The following MCTP2 variants were observed in gnomAD, a reference collection of about 807,000 sequenced individuals.
The protein encoded by MCTP2 is multiple C2 and transmembrane domain containing 2, also known as multiple C2 and transmembrane domain-containing protein 2.
In MCTP2, 132 loss-of-function variants were observed where a neutral mutation model predicts 111.6. The ratio of observed to expected loss-of-function variants is 1.18; its 90% confidence interval spans 1.03 to 1.37. The LOEUF (loss-of-function observed/expected upper bound fraction) is 1.37, where lower values mean the gene tolerates loss of function less well. Ranked by LOEUF, MCTP2 falls within the 40% of genes most tolerant of loss-of-function variation. The pLI is 0.00. For missense variants in MCTP2, 1,183 were observed against 1,067.9 expected (o/e 1.11, Z -1.50); for synonymous variants, 395 against 387.7 (o/e 1.02, Z -0.22).
intron 19 of MCTP2, among the ~76,000 whole-genome samples, chr15:94,447,673 G>A (rs570316484): frequency 3.9e-5 from 6 of 152,150 alleles, no homozygotes; most frequent in Non-Finnish European, 5.9e-5. Context: ...CACCATGACC[G>A]GCCTGTTTGC....
intron 19 of MCTP2, among the ~76,000 whole-genome samples, chr15:94,455,695 G>A (rs754702454): frequency 2.6e-5 from 4 of 152,168 alleles, no homozygotes; most frequent in Non-Finnish European, 4.4e-5. Context: ...AAAGTGCTGG[G>A]CTTACAGGCG....
At chr15:94,334,046 A>G (rs1567449976) in intron 4 of MCTP2, among the ~76,000 whole-genome samples, 1 of 152,164 alleles carries the variant, frequency 6.6e-6, no homozygotes, top group Non-Finnish European at 1.5e-5. Context: ...TCAAAGTAAA[A>G]TAAATGAATA....
intron 1 of MCTP2, among the ~76,000 whole-genome samples, chr15:94,268,816 G>C (rs1334584097): frequency 6.8e-6 from 1 of 147,202 alleles, no homozygotes; most frequent in African/African-American, 2.5e-5. Context: ...AGTAGAGTCA[G>C]CTCTGAGATG....
chr15:94,239,007 T>TG (rs1212447019), intron 1 of MCTP2, among the ~76,000 whole-genome samples: 5 of 124,358 alleles, frequency 4.0e-5, no homozygotes, highest in East Asian at 4.4e-4. Flanking sequence ...GAGTTGACCG[T>TG]GAAAAAAAAA....
chr15:94,266,078 G>GTGCA (rs1555443454), intron 1 of MCTP2, among the ~76,000 whole-genome samples: 18 of 58,218 alleles, frequency 3.1e-4, no homozygotes, highest in South Asian at 1.7e-3. Context: ...ATGCGTGTGC[G>GTGCA]CGCACACACA....
intron 1 of MCTP2, among the ~76,000 whole-genome samples, chr15:94,262,730 G>A (rs2073262243): frequency 6.6e-6 from 1 of 152,022 alleles, no homozygotes; most frequent in African/African-American, 2.4e-5. Context: ...GAGTGCAATG[G>A]AGTGATCTCG....
intron 10 of MCTP2, among the ~76,000 whole-genome samples, chr15:94,365,281 G>T (rs1347089190): frequency 6.6e-6 from 1 of 152,188 alleles, no homozygotes. Flanking sequence ...TTAAGCTGCT[G>T]CCTAAATCTT....
At chr15:94,252,352 A>G (rs965328317) in intron 1 of MCTP2, among the ~76,000 whole-genome samples, 6 of 152,152 alleles carry the variant, frequency 3.9e-5, no homozygotes, top group Admixed American at 2.0e-4. Flanking sequence ...TTCCATGTAC[A>G]TTTCCCTAAG....
Position 94,367,728 on chromosome 15 carries a change from C to T in MCTP2, c.1425C>T (p.Val475=). Residue 475 remains valine (V), a synonymous_variant, in exon 11 of 23, where the codon GTC becomes GTT. Coordinates refer to ENST00000357742, the MANE Select transcript of MCTP2 (RefSeq NM_001385001.1). ...TTACACCCTGTGCGGGGGTCTCCGT[C>T]TCTGATCTGTGTGTCTGCCCCTTAG... ...VTLTPCAGVS[V]SDLCVCPLAD... is the part of the protein sequence containing the mutation. 1 of 1,609,200 alleles carries T rather than the reference C, an allele frequency of 6.2e-7. No homozygotes were observed. The highest frequency in any genetic ancestry group is 1.7e-5 in the Admixed American group (1 of 59,074).
rs1166732683 is a variant in MCTP2, at chr15:94,244,351, CACAT to C, written c.-66+12693_-66+12696del. On this transcript the variant is annotated intron_variant, in intron 1 of 22. Coordinates refer to ENST00000357742, the MANE Select transcript of MCTP2 (RefSeq NM_001385001.1). Reference sequence around the variant, plus strand: ...ATGTATATATACACGTATACGTATACACATACATATGTATATATACGTATATGTA... The same window carrying C: ...ATGTATATATACACGTATACGTATACACATATGTATATATACGTATATGTA... 2.4e-4 allele frequency among the ~76,000 whole-genome samples: 35 copies of C among 148,522 alleles called. 1 individual carries two copies. The highest frequency in any genetic ancestry group is 8.7e-4 in the Admixed American group (13 of 14,946).
intron 14 of MCTP2, among the ~76,000 whole-genome samples, chr15:94,389,113 C>T (rs773810165): frequency 6.6e-5 from 10 of 152,040 alleles, no homozygotes; most frequent in Non-Finnish European, 4.4e-5. Flanking sequence ...GGAAGTAGGA[C>T]GGATGGGTTT....
At chr15:94,346,089 A>G (rs2077965460) in intron 8 of MCTP2, among the ~76,000 whole-genome samples, 1 of 152,172 alleles carries the variant, frequency 6.6e-6, no homozygotes, top group South Asian at 2.1e-4. Context: ...AACTGGGGCC[A>G]CTGCCAGCTC....
At chr15:94,366,573 C>A (rs2079194786) in intron 10 of MCTP2, among the ~76,000 whole-genome samples, 1 of 152,142 alleles carries the variant, frequency 6.6e-6, no homozygotes, top group African/African-American at 2.4e-5. Context: ...TAATTAACTG[C>A]AAATGTACAA....
At chr15:94,306,481 T>C (rs1650430355) in intron 2 of MCTP2, among the ~76,000 whole-genome samples, 1 of 152,138 alleles carries the variant, frequency 6.6e-6, no homozygotes, top group Non-Finnish European at 1.5e-5. Flanking sequence ...CGCAGAACTG[T>C]GGGTATAACA....
intron 17 of MCTP2, among the ~76,000 whole-genome samples, chr15:94,423,914 A>T (rs953829719): frequency 6.6e-6 from 1 of 152,218 alleles, no homozygotes; most frequent in East Asian, 1.9e-4. Context: ...AAGGTGAAAC[A>T]TCTGTGTACC....
At chr15:94,318,829 T>G in intron 4 of MCTP2, among the ~76,000 whole-genome samples, 1 of 152,258 alleles carries the variant, frequency 6.6e-6, no homozygotes, top group Non-Finnish European at 1.5e-5. Flanking sequence ...CATATCTTGC[T>G]GTTTCAAGAC....
chr15:94,329,495 A>G (rs2077038983), intron 4 of MCTP2, among the ~76,000 whole-genome samples: 1 of 152,134 alleles, frequency 6.6e-6, no homozygotes. Flanking sequence ...CCAGGGAGCA[A>G]GCATGTCACA....
At chr15:94,476,898 G>A in intron 22 of MCTP2, 105 bp downstream of exon 22, 1 of 687,626 alleles carries the variant, frequency 1.5e-6, no homozygotes, top group Non-Finnish European at 2.5e-6. Context: ...ATTGAGATAA[G>A]GAACCAGAAA....
chr15:94,253,727 GTCTC>G (rs1199783796), intron 1 of MCTP2, among the ~76,000 whole-genome samples: 1 of 147,280 alleles, frequency 6.8e-6, no homozygotes, highest in Non-Finnish European at 1.5e-5. Context: ...CTCTCTTAAA[GTCTC>G]TCTTTTTTTT....
Sources: gnomAD v4.1 joint callset for allele counts (sites outside exome capture counted in the v4.1 genomes callset) on GRCh38, gnomAD v4.1.1 for gene constraint, MANE v1.5 for transcripts, NCBI Gene and HGNC (gene_info 2026-07-23, HGNC 2026-07-21) for gene names.